The following RPTN variants were observed in gnomAD, a reference collection of about 807,000 sequenced individuals.
RPTN encodes intermediate filament-associated protein.
Under a neutral mutation model 3.6 loss-of-function variants are expected in RPTN, and 4 were observed. That is an observed-to-expected ratio of 1.12 (90% CI 0.55 to 2.55). The LOEUF is 2.55. RPTN is among the 30% of genes most tolerant of loss of function. The probability of loss-of-function intolerance (pLI) is 0.02; values close to 1 mark genes in which losing one functional copy is unlikely to be tolerated. For missense variants in RPTN, 860 were observed against 916.7 expected, an observed-to-expected ratio of 0.94 and a Z score of 0.80; for synonymous variants, 293 against 319.3, an observed-to-expected ratio of 0.92 and a Z score of 0.88.
chr1:152,157,620 C>G, intron 2 of RPTN, 132 bp downstream of exon 2: 1 of 638,008 alleles, frequency 1.6e-6, no homozygotes, highest in Non-Finnish European at 2.6e-6. Context: ...GAGAGAACTA[C>G]TAAGGAGCTG....
At chr1:152,157,957 A>G (rs1659240463) in intron 1 of RPTN, 48 bp from the exon 2 acceptor site, 2 of 1,528,352 alleles carry the variant, frequency 1.3e-6, no homozygotes, top group South Asian at 1.1e-5. Flanking sequence ...AATGACCACG[A>G]GACAGCATTT....
intron 2 of RPTN, 32 bp downstream of exon 2, chr1:152,157,720 A>G (rs1220196919): frequency 2.5e-6 from 4 of 1,612,712 alleles, no homozygotes; most frequent in African/African-American, 1.3e-5. Context: ...TTCACACTTG[A>G]TCTCATGGGG....
In RPTN at chr1:152,154,869, C is replaced by T. The variant is rs771544308; in HGVS notation, c.2230G>A (p.Asp744Asn). ...TGCTCATGTTCATGGGTTTGTCTGT[C>T]TCGTCTCTGATGGTTCTGCTCATCT... ...HKDEQNHQRR[D>N]RQTHEHEQSH... Residue 744 changes from aspartate (D) to asparagine (N), a missense_variant, in exon 3 of 3, where the codon GAC becomes AAC. Coordinates refer to ENST00000316073, the MANE Select transcript of RPTN (RefSeq NM_001122965.1). The T allele has an allele frequency of 6.2e-7, 1 of 1,614,046 alleles. No individual in the cohort carries two copies. Among genetic ancestry groups the T allele is most frequent in the South Asian group, 1.1e-5 (1 of 91,068 alleles).
In RPTN at chr1:152,156,105, T is replaced by C. The variant is rs868678961; in HGVS notation, c.994A>G (p.Ser332Gly). 6.2e-7 allele frequency: 1 copy of C among 1,609,054 alleles called. No individual in the cohort carries two copies. Among genetic ancestry groups the C allele is most frequent in the Non-Finnish European group, 8.5e-7 (1 of 1,178,428 alleles). The change falls in exon 3 of 3, where the codon AGT (serine) becomes GGT (glycine). Residue 332 changes from serine (S) to glycine (G), a missense_variant. Coordinates refer to ENST00000316073, the MANE Select transcript of RPTN (RefSeq NM_001122965.1). ...TDRQGQSSHY[S>G]QPDRQGQSSH... ...CTCTGACCTTGTCTGTCTGGCTGACTGTAGTGGGAACTCTGGCCTTGTCTG... is the reference window on the plus strand; with the variant it reads ...CTCTGACCTTGTCTGTCTGGCTGACCGTAGTGGGAACTCTGGCCTTGTCTG...
rs1405321627 is a variant in RPTN at position 152,154,822 on chromosome 1, C to T, written c.2277G>A (p.Arg759=). Residue 759 remains arginine (R), a synonymous_variant, in exon 3 of 3, where the codon AGG becomes AGA. Coordinates refer to ENST00000316073, the MANE Select transcript of RPTN (RefSeq NM_001122965.1). ...GGTTCTGCTTGTCTTCATGGGTTTG[C>T]CTGTCTCGTCTCTGATGGCTCTGCT... is the stretch of plus-strand genomic sequence containing the variant. ...EHEQSHQRRD[R]QTHEDKQNRQ... The T allele has an allele frequency of 1.2e-6, 2 of 1,613,834 alleles. No homozygotes were observed. Among genetic ancestry groups the T allele is most frequent in the East Asian group, 2.2e-5 (1 of 44,838 alleles).
rs202103255 is a variant in RPTN, at chr1:152,156,410, C to T, written c.689G>A (p.Arg230Gln). 2.3e-4 allele frequency: 365 copies of T among 1,614,036 alleles called. No homozygotes were observed. The highest frequency in any genetic ancestry group is 3.7e-4 in the Admixed American group (22 of 59,996). ...AGAATCCTGAATTGGTTTTTCACAC[C>T]GATTTAAGGCAAAGATATGTCCCTG... ...KWQGHIFALNRCEKPIQDSHY... is the reference protein window; with the variant it reads ...KWQGHIFALNQCEKPIQDSHY... Residue 230 changes from arginine (R) to glutamine (Q), a missense_variant, in exon 3 of 3, where the codon CGG becomes CAG. Physicochemically the swap from Arg to Gln is conservative, Grantham distance 43 (BLOSUM62 1). Coordinates refer to ENST00000316073, the MANE Select transcript of RPTN (RefSeq NM_001122965.1).
chr1:152,156,094 G>A lies in RPTN; in HGVS notation c.1005C>T (p.Asp335=), dbSNP rs759494091. Residue 335 remains aspartate, a synonymous_variant, in exon 3 of 3, where the codon GAC becomes GAT. Coordinates refer to ENST00000316073, the MANE Select transcript of RPTN (RefSeq NM_001122965.1). ...CATAGTGGGAACTCTGACCTTGTCT[G>A]TCTGGCTGACTGTAGTGGGAACTCT... ...QGQSSHYSQP[D]RQGQSSHYGQ... The A allele has an allele frequency of 1.2e-6, 2 of 1,613,606 alleles. No individual in the cohort carries two copies. Among genetic ancestry groups the A allele is most frequent in the Admixed American group, 1.7e-5 (1 of 59,978 alleles).
At chr1:152,157,716 C>T in intron 2 of RPTN, 36 bp downstream of exon 2, 2 of 1,612,360 alleles carry the variant, frequency 1.2e-6, no homozygotes, top group Non-Finnish European at 1.7e-6. Context: ...GTCATTCACA[C>T]TTGATCTCAT....
rs1451371460 is a variant in RPTN, at chr1:152,156,572, T to C, written c.527A>G (p.Gln176Arg). 2 of 1,600,732 alleles carry C rather than the reference T, an allele frequency of 1.2e-6. No individual in the cohort carries two copies. The highest frequency in any genetic ancestry group is 1.7e-5 in the Admixed American group (1 of 57,334). Residue 176 changes from glutamine (Q) to arginine (R), a missense_variant, in exon 3 of 3, where the codon CAA becomes CGA. Physicochemically the swap from Gln to Arg is conservative, Grantham distance 43. Transcript: ENST00000316073. ...RDSHHSQPERQDRDSHHNQSE... is the reference protein window; with the variant it reads ...RDSHHSQPERRDRDSHHNQSE... Reference sequence around the variant, plus strand: ...CTGATTGTGGTGAGAATCTCTGTCTTGTCTCTCAGGCTGACTGTGGTGGGA... The same window carrying C: ...CTGATTGTGGTGAGAATCTCTGTCTCGTCTCTCAGGCTGACTGTGGTGGGA...
Position 152,156,766 on chromosome 1 carries a change from A to G in RPTN, c.333T>C (p.Cys111=), listed in dbSNP as rs1659214910. ...GTCTGCCTGTGTTTCCTGGGAACTT[A>G]CAGTCTTGTGCTCCTTCCTGCCCCC... ...QERGQEGAQD[C]KFPGNTGRQH... is the part of the protein sequence containing the mutation. Residue 111 remains cysteine (C), a synonymous_variant, in exon 3 of 3, where the codon TGT becomes TGC. Coordinates refer to ENST00000316073, the MANE Select transcript of RPTN (RefSeq NM_001122965.1). The G allele has an allele frequency of 2.5e-6, 4 of 1,613,990 alleles. No homozygotes were observed. In the South Asian group the frequency reaches 4.4e-5, roughly 18 times the overall value.
In RPTN at chr1:152,154,411, T is replaced by G. The variant is rs1363820712; in HGVS notation, c.*333A>C. 2.8e-6 allele frequency: 1 copy of G among 357,360 alleles called. No individual in the cohort carries two copies. The highest frequency in any genetic ancestry group is 2.1e-5 in the African/African-American group (1 of 47,826). The allele number at this position is 357,360 out of a possible 1,614,324, so 22.1% of individuals were successfully genotyped here. A position where few individuals can be genotyped will look rare whatever the true frequency, so the allele number is the denominator to read the frequency against. On this transcript the variant is annotated 3_prime_UTR_variant, in exon 3 of 3. Transcript: ENST00000316073. ...CTTTGTGTTGCTTTACCTCTGGTGC[T>G]CACATAGCCTAGTATGGGTAGGATT...
Position 152,154,562 on chromosome 1 carries a change from C to CT in RPTN, c.*181dup, listed in dbSNP as rs752737930. The CT allele has an allele frequency of 5.8e-4, 516 of 883,196 alleles. 1 individual carries two copies. Among genetic ancestry groups the CT allele is most frequent in the Non-Finnish European group, 5.4e-4 (309 of 571,698 alleles). 54.7% of individuals were successfully genotyped at this position (883,196 alleles called of 1,614,324 possible). ...TGGATAGAAGGATGGTTCAGTGTGT[C>CT]TTTTCTGTGAGCCTTGGCTCTGGTC... On this transcript the variant is annotated 3_prime_UTR_variant, in exon 3 of 3. Transcript: ENST00000316073.
rs563180740 is a variant in RPTN at position 152,156,880 on chromosome 1, C to A, written c.219G>T (p.Glu73Asp). Residue 73 changes from glutamate to aspartate, a missense_variant, in exon 3 of 3, where the codon GAG (glutamate) becomes GAT (aspartate). Glu to Asp is a conservative substitution (Grantham distance 45). Transcript: ENST00000316073. ...CCAACTGGAACACCAACAAGAGGTA[C>A]TCATGAAAATCAATATGTCCATCTC... ...QDRDGHIDFH[E>D]YLLLVFQLVQ... 6.2e-7 allele frequency: 1 copy of A among 1,614,056 alleles called. No homozygotes were observed. The highest frequency in any genetic ancestry group is 1.3e-5 in the African/African-American group (1 of 74,924).
rs1277981412 is a variant in RPTN, at chr1:152,157,758, G to A, written c.132C>T (p.Ile44=). The change falls in exon 2 of 3, where the codon ATC becomes ATT. Residue 44 remains isoleucine, a synonymous_variant. Transcript: ENST00000316073. ...KQLLLAEFGD[I]LQRPNDPETV... is the part of the protein sequence containing the mutation. Reference sequence around the variant, plus strand: ...GTGTGTCTGTGTATCTTACCTGGAGGATGTCTCCAAACTCAGCCAAGAGCA... The same window carrying A: ...GTGTGTCTGTGTATCTTACCTGGAGAATGTCTCCAAACTCAGCCAAGAGCA... 1 of 1,613,740 alleles carries A rather than the reference G, an allele frequency of 6.2e-7. No homozygotes were observed. Among genetic ancestry groups the A allele is most frequent in the Non-Finnish European group, 8.5e-7 (1 of 1,179,878 alleles).
chr1:152,156,195 C>T lies in RPTN; in HGVS notation c.904G>A (p.Asp302Asn). ...GTCTGACCATAATGATAACTCTGGTCTTGTCTGTCCGTCTGACCGTAGTGG... is the reference window on the plus strand; with the variant it reads ...GTCTGACCATAATGATAACTCTGGTTTTGTCTGTCCGTCTGACCGTAGTGG... ...SSHYGQTDRQ[D>N]QSYHYGQTDR... Residue 302 changes from aspartate (D) to asparagine (N), a missense_variant, in exon 3 of 3, where the codon GAC becomes AAC. Transcript: ENST00000316073. 1 of 1,614,066 alleles carries T rather than the reference C, an allele frequency of 6.2e-7. No individual in the cohort carries two copies. The highest frequency in any genetic ancestry group is 8.5e-7 in the Non-Finnish European group (1 of 1,179,976).
At position 152,154,228 on chromosome 1, in the gene RPTN, C is replaced by T. The variant is rs1659145194; in HGVS notation, c.*516G>A. On this transcript the variant is annotated 3_prime_UTR_variant, in exon 3 of 3. Transcript: ENST00000316073. ...CTAGATTTCACTGAATCAGAAAACC[C>T]TAGAATTGCTGCTCAAAGAACCAAA... The T allele has an allele frequency of 6.3e-6, 1 of 159,994 alleles. No individual in the cohort carries two copies. Among genetic ancestry groups the T allele is most frequent in the African/African-American group, 2.4e-5 (1 of 41,498 alleles). The allele number at this position is 159,994 out of a possible 1,614,324, so 9.9% of individuals were successfully genotyped here.
rs1365640722 is a variant in RPTN at position 152,156,698 on chromosome 1, T to C, written c.401A>G (p.His134Arg). 14 of 1,613,840 alleles carry C rather than the reference T, an allele frequency of 8.7e-6. No homozygotes were observed. Among genetic ancestry groups the C allele is most frequent in the Non-Finnish European group, 1.2e-5 (14 of 1,179,952 alleles). The change falls in exon 3 of 3, where the codon CAC (histidine) becomes CGC (arginine). Residue 134 changes from histidine (H) to arginine (R), a missense_variant. His to Arg is a conservative substitution (Grantham distance 29). Coordinates refer to ENST00000316073, the MANE Select transcript of RPTN (RefSeq NM_001122965.1). ...RHEEERQNSH[H>R]SQPERQDGDS... ...TCCGTCTTGTCTCTCAGGCTGACTG[T>C]GGTGGGAGTTCTGCCTTTCTTCCTC...
At position 152,154,715 on chromosome 1, in the gene RPTN, T is replaced by C. The variant is rs753037080; in HGVS notation, c.*29A>G. The C allele has an allele frequency of 6.2e-7, 1 of 1,610,710 alleles. No homozygotes were observed. Among genetic ancestry groups the C allele is most frequent in the Admixed American group, 1.7e-5 (1 of 59,738 alleles). ...TTGTCTATTATGTTGTTGCTGATGG[T>C]TTTGATCCTCTTCATGAGTTTGCCT... On this transcript the variant is annotated 3_prime_UTR_variant, in exon 3 of 3. Coordinates refer to ENST00000316073, the MANE Select transcript of RPTN (RefSeq NM_001122965.1).
At chr1:152,158,278 A>G (rs1215019922) in intron 1 of RPTN, among the ~76,000 whole-genome samples, 4 of 152,196 alleles carry the variant, frequency 2.6e-5, no homozygotes, top group Non-Finnish European at 5.9e-5. Flanking sequence ...AGAAGCCAGC[A>G]TAGTAGGGCA....
Sources: gnomAD v4.1 joint callset for allele counts (sites outside exome capture counted in the v4.1 genomes callset) on GRCh38, gnomAD v4.1.1 for gene constraint, MANE v1.5 for transcripts, NCBI Gene and HGNC (gene_info 2026-07-23, HGNC 2026-07-21) for gene names.